Variants in RYR2 observed in about 807,000 individuals in gnomAD.
The protein encoded by RYR2 is cardiac muscle ryanodine receptor-calcium release channel.
In RYR2, 227 loss-of-function variants were observed where a neutral mutation model predicts 601.1. The ratio of observed to expected loss-of-function variants is 0.38; its 90% CI spans 0.34 to 0.42. The LOEUF (loss-of-function observed/expected upper bound fraction) is 0.42. RYR2 is among the 10% of genes least tolerant of loss of function. The pLI is 1.00. For synonymous variants in RYR2, 2,223 were observed against 2,175.1 expected, an observed-to-expected ratio of 1.02 and a Z score of -0.61; for missense variants, 4,646 against 6,156.5, an observed-to-expected ratio of 0.75 and a Z score of 8.21.
rs138807909 is a variant in RYR2 at position 237,401,594 on chromosome 1, A to G, written c.773+13411A>G. Among the ~76,000 whole-genome samples the G allele has an allele frequency of 4.9e-4, 75 of 152,302 alleles. 1 individual carries two copies. The highest frequency in any genetic ancestry group is 1.7e-3 in the African/African-American group (71 of 41,562). On this transcript the variant is annotated intron_variant, in intron 10 of 104. Transcript: ENST00000366574. ...GCTTCTCGTTCCCTGTGGAATTAGG[A>G]TATTTTACCCTCTTAGCACATAAAT...
intron 25 of RYR2, among the ~76,000 whole-genome samples, chr1:237,547,942 A>G (rs1669993823): frequency 6.6e-6 from 1 of 152,230 alleles, no homozygotes; most frequent in Non-Finnish European, 1.5e-5. Context: ...CAGTAAGGAA[A>G]TAAGTTACAA....
chr1:237,433,549 AAATAG>A (rs1707050486), intron 12 of RYR2, among the ~76,000 whole-genome samples: 1 of 152,212 alleles, frequency 6.6e-6, no homozygotes, highest in African/African-American at 2.4e-5. Flanking sequence ...ATTTCAGAGA[AAATAG>A]AATAGCTCAA....
At chr1:237,150,826 T>A (rs952408670) in intron 1 of RYR2, among the ~76,000 whole-genome samples, 26 of 152,182 alleles carry the variant, frequency 1.7e-4, no homozygotes, top group Admixed American at 1.5e-3. Context: ...GATTTTGGTT[T>A]CAAAAGCTTT....
intron 13 of RYR2, 64 bp from the exon 14 acceptor site, chr1:237,445,337 C>T: frequency 6.3e-7 from 1 of 1,597,992 alleles, no homozygotes; most frequent in Non-Finnish European, 8.6e-7. Context: ...GAGTACACAT[C>T]TCCCTAACTC....
chr1:237,239,091 G>A (rs992807558), intron 1 of RYR2, among the ~76,000 whole-genome samples: 1 of 151,922 alleles, frequency 6.6e-6, no homozygotes, highest in Non-Finnish European at 1.5e-5. Context: ...CAAAAGCTAG[G>A]GTGAACTTTT....
chr1:237,309,612 T>C (rs545842453), intron 2 of RYR2, among the ~76,000 whole-genome samples: 2 of 152,354 alleles, frequency 1.3e-5, no homozygotes, highest in South Asian at 4.1e-4. Context: ...CTGCCACCAG[T>C]CCCGCACTGT....
At chr1:237,424,974 A>G (rs1174330253) in intron 12 of RYR2, among the ~76,000 whole-genome samples, 1 of 152,212 alleles carries the variant, frequency 6.6e-6, no homozygotes, top group Non-Finnish European at 1.5e-5. Flanking sequence ...CTAATTATGA[A>G]AATAAACTAT....
At chr1:237,447,546 G>A (rs1448542562) in intron 14 of RYR2, among the ~76,000 whole-genome samples, 2 of 152,094 alleles carry the variant, frequency 1.3e-5, no homozygotes, top group East Asian at 3.9e-4. Flanking sequence ...AAAATAGGAT[G>A]GTTACATTAA....
At chr1:237,781,505 A>C in intron 88 of RYR2, 60 bp from the exon 89 acceptor site, 1 of 822,296 alleles carries the variant, frequency 1.2e-6, no homozygotes, top group Non-Finnish European at 2.1e-6. Context: ...GAGAATAAGT[A>C]TGATGTTCCT....
chr1:237,777,309 A>G (rs1198579412), intron 87 of RYR2, among the ~76,000 whole-genome samples: 1 of 152,172 alleles, frequency 6.6e-6, no homozygotes, highest in Non-Finnish European at 1.5e-5. Context: ...TCTCATAGTC[A>G]TCTGAGAATA....
intron 1 of RYR2, among the ~76,000 whole-genome samples, chr1:237,093,794 T>G (rs1248074083): frequency 6.6e-6 from 1 of 152,194 alleles, no homozygotes; most frequent in African/African-American, 2.4e-5. Flanking sequence ...ACAGTGATGC[T>G]TTTCCTGTAA....
intron 1 of RYR2, among the ~76,000 whole-genome samples, chr1:237,210,062 G>C (rs1003189673): frequency 1.3e-5 from 2 of 152,010 alleles, no homozygotes; most frequent in Admixed American, 6.6e-5. Context: ...ATAAATTGCT[G>C]TTGATATTTC....
At chr1:237,553,643 G>A (rs1171355863) in intron 27 of RYR2, among the ~76,000 whole-genome samples, 2 of 151,840 alleles carry the variant, frequency 1.3e-5, no homozygotes, top group African/African-American at 4.8e-5. Context: ...TGATATTTTA[G>A]CCATATTTAG....
At chr1:237,641,501 C>CTTTCTTTCTTTA (rs1681518403) in intron 47 of RYR2, among the ~76,000 whole-genome samples, 1 of 89,790 alleles carries the variant, frequency 1.1e-5, no homozygotes, top group Non-Finnish European at 2.4e-5. Flanking sequence ...TTCTTTCTTT[C>CTTTCTTTCTTTA]TTTCTTTCTT....
chr1:237,683,394 G>A (rs149000026), intron 62 of RYR2, among the ~76,000 whole-genome samples: 209 of 152,292 alleles, frequency 1.4e-3, no homozygotes, highest in Middle Eastern at 3.4e-3. Context: ...AGCTAAATAC[G>A]TGAATATGAG....
intron 37 of RYR2, among the ~76,000 whole-genome samples, chr1:237,615,528 TG>T (rs1420906958): frequency 3.9e-5 from 6 of 152,168 alleles, no homozygotes; most frequent in Admixed American, 3.9e-4. Flanking sequence ...ACACACTGGC[TG>T]TCTTTATGCT....
intron 16 of RYR2, among the ~76,000 whole-genome samples, chr1:237,465,777 A>G (rs1660023033): frequency 1.3e-5 from 2 of 152,238 alleles, no homozygotes; most frequent in African/African-American, 4.8e-5. Context: ...TTTGTACAGC[A>G]ATATGTACAG....
chr1:237,642,623 G>A (rs541029570), intron 47 of RYR2, among the ~76,000 whole-genome samples: 1 of 152,302 alleles, frequency 6.6e-6, no homozygotes, highest in Admixed American at 6.5e-5. Context: ...TATTATTTGA[G>A]GCCTCCTGTG....
chr1:237,809,272 C>T (rs1484570082), intron 100 of RYR2, among the ~76,000 whole-genome samples: 3 of 152,198 alleles, frequency 2.0e-5, no homozygotes, highest in African/African-American at 4.8e-5. Context: ...GAGTAATGTA[C>T]TTAGAACTCG....
Sources: gnomAD v4.1 joint callset for allele counts (sites outside exome capture counted in the v4.1 genomes callset) on GRCh38, gnomAD v4.1.1 for gene constraint, MANE v1.5 for transcripts, NCBI Gene and HGNC (gene_info 2026-07-23, HGNC 2026-07-21) for gene names.